The following MBNL2 variants were observed in gnomAD, a reference collection of about 807,000 sequenced individuals.
The protein encoded by MBNL2 is muscleblind like splicing regulator 2.
In MBNL2, 17 loss-of-function variants were observed where a neutral mutation model predicts 41.9. That is an observed-to-expected ratio of 0.41 (90% confidence interval 0.28 to 0.61). The LOEUF is 0.61. Ranked by LOEUF, MBNL2 falls within the 20% of genes least tolerant of loss-of-function variation. The pLI is 0.35. For synonymous variants in MBNL2, 195 were observed against 182.9 expected, an observed-to-expected ratio of 1.07 and a Z score of -0.53; for missense variants, 336 against 505.6, an observed-to-expected ratio of 0.66 and a Z score of 3.22.
chr13:97,265,218 C>G (rs902402549), intron 1 of MBNL2, among the ~76,000 whole-genome samples: 2 of 152,130 alleles, frequency 1.3e-5, no homozygotes, highest in Non-Finnish European at 2.9e-5. Context: ...AAAATGAGCC[C>G]TGGATTTTAT....
At chr13:97,226,912 A>G (rs1259867503) in intron 1 of MBNL2, among the ~76,000 whole-genome samples, 1 of 151,940 alleles carries the variant, frequency 6.6e-6, no homozygotes, top group Non-Finnish European at 1.5e-5. Flanking sequence ...CCTGTCCCAC[A>G]CTTCTGAGCT....
At chr13:97,227,087 T>C (rs1995052) in intron 1 of MBNL2, among the ~76,000 whole-genome samples, 99,716 of 150,510 alleles carry the variant, frequency 0.66, 33,232 homozygotes, top group African/African-American at 0.69. Flanking sequence ...ATATATTTCC[T>C]TTTGAAACAC....
the MBNL2 span, among the ~76,000 whole-genome samples, chr13:97,144,348 C>G: frequency 6.6e-6 from 1 of 151,642 alleles, no homozygotes; most frequent in African/African-American, 2.4e-5. Context: ...GCTTAGAGGA[C>G]TATAACCATG....
chr13:97,276,318 C>T lies in MBNL2; in HGVS notation c.83C>T (p.Ser28Leu), dbSNP rs1338958283. ...AGACAGTTTCAAAGAGGAACATGCTCACGCTCTGATGAAGAATGCAAATTT... is the reference window on the plus strand; with the variant it reads ...AGACAGTTTCAAAGAGGAACATGCTTACGCTCTGATGAAGAATGCAAATTT... ...VCRQFQRGTCSRSDEECKFAH... is the reference protein window; with the variant it reads ...VCRQFQRGTCLRSDEECKFAH... Residue 28 changes from serine to leucine, a missense_variant, in exon 2 of 9, where the codon TCA becomes TTA. Transcript: ENST00000679496. The T allele has an allele frequency of 1.2e-6, 2 of 1,613,888 alleles. No homozygotes were observed. The highest frequency in any genetic ancestry group is 1.1e-5 in the South Asian group (1 of 91,074).
intron 1 of MBNL2, among the ~76,000 whole-genome samples, chr13:97,243,809 G>A (rs756878156): frequency 2.6e-5 from 4 of 152,182 alleles, no homozygotes; most frequent in Non-Finnish European, 5.9e-5. Flanking sequence ...AGAGAAAGAG[G>A]ACTATTTTGC....
At chr13:97,323,294 C>T (rs2059652752) in intron 2 of MBNL2, among the ~76,000 whole-genome samples, 1 of 152,170 alleles carries the variant, frequency 6.6e-6, no homozygotes, top group Non-Finnish European at 1.5e-5. Flanking sequence ...CAAAAATTGA[C>T]TAGCTTCTGG....
At chr13:97,232,759 A>G (rs1219628296) in intron 1 of MBNL2, among the ~76,000 whole-genome samples, 2 of 152,116 alleles carry the variant, frequency 1.3e-5, no homozygotes, top group African/African-American at 4.8e-5. Context: ...CCCTCCTCAC[A>G]AAGGGACTTG....
At chr13:97,354,564 TCA>T (rs1341575274) in intron 5 of MBNL2, among the ~76,000 whole-genome samples, 2 of 152,192 alleles carry the variant, frequency 1.3e-5, no homozygotes, top group African/African-American at 2.4e-5. Flanking sequence ...TCTAGAGATC[TCA>T]GTTTTTTTAC....
intron 2 of MBNL2, among the ~76,000 whole-genome samples, chr13:97,326,547 A>T (rs925924828): frequency 6.6e-6 from 1 of 152,244 alleles, no homozygotes; most frequent in Non-Finnish European, 1.5e-5. Context: ...TTAGAGGCTT[A>T]TGCATAATCT....
chr13:97,141,983 A>T, the MBNL2 span, among the ~76,000 whole-genome samples: 1 of 152,170 alleles, frequency 6.6e-6, no homozygotes, highest in Non-Finnish European at 1.5e-5. Flanking sequence ...AAAGTAAGGC[A>T]CTGCTAGTAT....
chr13:97,253,747 TATTTATTAATACGTATTA>T (rs200718633), intron 1 of MBNL2, among the ~76,000 whole-genome samples: 11,188 of 152,122 alleles, frequency 0.074, 1,118 homozygotes, highest in African/African-American at 0.23. Context: ...AGTAACATTG[TATTTATTAATACGTATTA>T]ATTTATTAAT....
At chr13:97,291,961 G>A (rs1483161170) in intron 2 of MBNL2, among the ~76,000 whole-genome samples, 3 of 148,174 alleles carry the variant, frequency 2.0e-5, no homozygotes, top group Non-Finnish European at 4.4e-5. Context: ...CCAGCACTTC[G>A]GGAGGCCGAG....
At chr13:97,216,407 A>T in the MBNL2 span, among the ~76,000 whole-genome samples, 2 of 152,208 alleles carry the variant, frequency 1.3e-5, no homozygotes, top group Non-Finnish European at 2.9e-5. Flanking sequence ...CTAGAAAAAA[A>T]AGTAAAAAAT....
chr13:97,258,790 A>G (rs1353381833), intron 1 of MBNL2, among the ~76,000 whole-genome samples: 1 of 152,192 alleles, frequency 6.6e-6, no homozygotes, highest in Non-Finnish European at 1.5e-5. Flanking sequence ...CTGGTAGATT[A>G]TCTCCGGCAT....
At chr13:97,336,906 C>T (rs1366702182) in intron 3 of MBNL2, among the ~76,000 whole-genome samples, 1 of 152,164 alleles carries the variant, frequency 6.6e-6, no homozygotes, top group East Asian at 1.9e-4. Flanking sequence ...CTTTACAGTA[C>T]TGTGGATATT....
chr13:97,256,192 C>G (rs1268408767), intron 1 of MBNL2, among the ~76,000 whole-genome samples: 2 of 152,106 alleles, frequency 1.3e-5, no homozygotes, highest in Non-Finnish European at 2.9e-5. Flanking sequence ...ACAGATAAAT[C>G]TTTTGAAGAT....
chr13:97,186,932 G>A, the MBNL2 span, among the ~76,000 whole-genome samples: 2 of 152,162 alleles, frequency 1.3e-5, no homozygotes, highest in African/African-American at 4.8e-5. Flanking sequence ...ATTAATTTTG[G>A]ATCTCAGAGG....
chr13:97,195,052 C>T, the MBNL2 span, among the ~76,000 whole-genome samples: 1 of 152,156 alleles, frequency 6.6e-6, no homozygotes, highest in Non-Finnish European at 1.5e-5. Flanking sequence ...GTTGCTCGCA[C>T]TTTATTCTAT....
At chr13:97,388,066 T>A (rs2066073555) in intron 8 of MBNL2, among the ~76,000 whole-genome samples, 1 of 152,108 alleles carries the variant, frequency 6.6e-6, no homozygotes, top group Admixed American at 6.5e-5. Context: ...TGATGGACAG[T>A]TGGTCTGTTG....
Sources: gnomAD v4.1 joint callset for allele counts (sites outside exome capture counted in the v4.1 genomes callset) on GRCh38, gnomAD v4.1.1 for gene constraint, MANE v1.5 for transcripts, NCBI Gene and HGNC (gene_info 2026-07-23, HGNC 2026-07-21) for gene names.